ANKRD35: variants seen among roughly 807,000 people sequenced by gnomAD.
ANKRD35 encodes the protein ankyrin repeat domain-containing protein 35.
ANKRD35 carries 102 observed loss-of-function variants against 109.9 expected under a neutral mutation model. The ratio of observed to expected loss-of-function variants is 0.93; its 90% CI spans 0.79 to 1.09. The LOEUF is 1.09. ANKRD35 is among the 50% of genes least tolerant of loss of function. The probability of loss-of-function intolerance (pLI) is 0.00; values close to 1 mark genes in which losing one functional copy is unlikely to be tolerated. For missense variants in ANKRD35, 1,240 were observed against 1,230.1 expected (o/e 1.01, Z -0.12); for synonymous variants, 515 against 512.4 (o/e 1.01, Z -0.07).
At position 145,878,493 on chromosome 1, in the gene ANKRD35, G is replaced by C. The variant is rs782445560; in HGVS notation, c.171-14C>G. The stretch of plus-strand genomic sequence containing the variant: ...GCCAGATGAAACCTGCCAGAATCAA[G>C]GCCGAGAGGCCAAAGGATAAAGGGA... On this transcript the variant is annotated splice_polypyrimidine_tract_variant and intron_variant, in intron 2 of 13. Coordinates refer to ENST00000355594, the MANE Select transcript of ANKRD35 (RefSeq NM_144698.5). 1.2e-4 allele frequency: 194 copies of C among 1,558,320 alleles called. No homozygotes were observed. The highest frequency in any genetic ancestry group is 1.6e-4 in the Non-Finnish European group (187 of 1,149,912).
At position 145,867,373 on chromosome 1, in the gene ANKRD35, A is replaced by G. The variant is rs1653644287; in HGVS notation, c.2963T>C (p.Val988Ala). The G allele has an allele frequency of 6.2e-7, 1 of 1,613,936 alleles. No homozygotes were observed. The highest frequency in any genetic ancestry group is 8.5e-7 in the Non-Finnish European group (1 of 1,179,944). ...NAARGYMEHE[V>A]YNILLQILSM... ...AAGGATTTGCAGCAGGATATTGTAC[A>G]CTTCATGTTCCATGTAACCCTGTAG... Residue 988 changes from valine to alanine, a missense_variant, in exon 13 of 14, where the codon GTG (valine) becomes GCG (alanine). Transcript: ENST00000355594.
chr1:145,867,946 C>T, intron 12 of ANKRD35, 45 bp downstream of exon 12: 1 of 1,588,154 alleles, frequency 6.3e-7, no homozygotes, highest in Admixed American at 1.7e-5. Context: ...ATACCCTATA[C>T]TCAGCTTTAT....
intron 1 of ANKRD35, among the ~76,000 whole-genome samples, chr1:145,880,428 C>CTAAA (rs1654245693): frequency 6.6e-6 from 1 of 152,140 alleles, no homozygotes; most frequent in Admixed American, 6.5e-5. Context: ...GCTATGTGAC[C>CTAAA]TAAAGTAAGC....
At position 145,885,816 on chromosome 1, in the gene ANKRD35, C is replaced by A; in HGVS notation, c.-58G>T. The A allele has an allele frequency of 1.5e-6, 2 of 1,352,080 alleles. No homozygotes were observed. Among genetic ancestry groups the A allele is most frequent in the Non-Finnish European group, 1.1e-6 (1 of 944,080 alleles). 83.8% of individuals were successfully genotyped at this position (1,352,080 alleles called of 1,614,324 possible). A position where few individuals can be genotyped will look rare whatever the true frequency, so the allele number is the denominator to read the frequency against. ...CGCAGAGAGCCGGGCCACAGGTTCC[C>A]GAACCCACCGGACTTGGCTGCGGCT... is the stretch of plus-strand genomic sequence containing the variant. On this transcript the variant is annotated 5_prime_UTR_variant, in exon 1 of 14. Coordinates refer to ENST00000355594, the MANE Select transcript of ANKRD35 (RefSeq NM_144698.5).
chr1:145,868,239 T>A, intron 11 of ANKRD35, 72 bp downstream of exon 11: 1 of 1,533,084 alleles, frequency 6.5e-7, no homozygotes, highest in South Asian at 1.1e-5. Flanking sequence ...ATTCCTAGAA[T>A]GTCTCCCACA....
chr1:145,872,374 T>C lies in ANKRD35; in HGVS notation c.2395A>G (p.Thr799Ala). The change falls in exon 10 of 14, where the codon ACG (threonine) becomes GCG (alanine). Residue 799 changes from threonine to alanine, a missense_variant. Transcript: ENST00000355594. ...ATCTCCTGGCTCTTCCCGCTCATCG[T>C]GGCCTGAACTGCCCGCAGCTCTTCC... is the stretch of plus-strand genomic sequence containing the variant. ...LEEELRAVQATMSGKSQEIGK... is the reference protein window; with the variant it reads ...LEEELRAVQAAMSGKSQEIGK... 1 of 1,612,756 alleles carries C rather than the reference T, an allele frequency of 6.2e-7. No individual in the cohort carries two copies. Among genetic ancestry groups the C allele is most frequent in the Non-Finnish European group, 8.5e-7 (1 of 1,179,358 alleles).
chr1:145,874,923 A>G lies in ANKRD35; in HGVS notation c.644T>C (p.Val215Ala), dbSNP rs1553739775. The change falls in exon 8 of 14, where the codon GTG becomes GCG. Residue 215 changes from valine (V) to alanine (A), a missense_variant. Coordinates refer to ENST00000355594, the MANE Select transcript of ANKRD35 (RefSeq NM_144698.5). Reference sequence around the variant, plus strand: ...CAGAGCATCATGCCCTGTGCTGTCCACAGCCCCCGCGTCAGCTCCGTGGCT... The same window carrying G: ...CAGAGCATCATGCCCTGTGCTGTCCGCAGCCCCCGCGTCAGCTCCGTGGCT... Reference protein sequence around the residue: ...LLSHGADAGAVDSTGHDALHY... With the variant: ...LLSHGADAGAADSTGHDALHY... 9 of 1,613,674 alleles carry G rather than the reference A, an allele frequency of 5.6e-6. No homozygotes were observed. The highest frequency in any genetic ancestry group is 6.8e-6 in the Non-Finnish European group (8 of 1,179,798).
chr1:145,866,951 T>A (rs1653628310), intron 13 of ANKRD35, among the ~76,000 whole-genome samples, 186 bp from the exon 14 acceptor site: 1 of 152,108 alleles, frequency 6.6e-6, no homozygotes, highest in African/African-American at 2.4e-5. Context: ...GTGAAGAGAT[T>A]CTGGATTTTG....
intron 10 of ANKRD35, among the ~76,000 whole-genome samples, chr1:145,869,695 G>A (rs1403029462): frequency 6.6e-5 from 10 of 151,910 alleles, no homozygotes; most frequent in African/African-American, 1.4e-4. Flanking sequence ...TCTCAAACTC[G>A]TGGGCTCAGG....
Position 145,882,112 on chromosome 1 carries a change from A to T in ANKRD35, c.40-2724T>A, listed in dbSNP as rs1196340876. On this transcript the variant is annotated intron_variant, in intron 1 of 13. Transcript: ENST00000355594. The stretch of plus-strand genomic sequence containing the variant: ...TGGGACTACAGGCGCCCGCCACCAC[A>T]CCCGGATAATTTTTTGTATTTTTAG... Among the ~76,000 whole-genome samples, 3 of 148,010 alleles carry T rather than the reference A, an allele frequency of 2.0e-5. No homozygotes were observed. The East Asian group carries it at 5.9e-4, about 29-fold the overall frequency.
chr1:145,883,606 C>A (rs1203056820), intron 1 of ANKRD35, among the ~76,000 whole-genome samples: 2 of 152,190 alleles, frequency 1.3e-5, no homozygotes, highest in African/African-American at 4.8e-5. Flanking sequence ...CTCAGACTGA[C>A]AGTGCAGGGC....
rs587745803 is a variant in ANKRD35 at position 145,878,884 on chromosome 1, C to T, written c.170+374G>A. Among the ~76,000 whole-genome samples, 5 of 152,254 alleles carry T rather than the reference C, an allele frequency of 3.3e-5. No individual in the cohort carries two copies. In the East Asian group the frequency reaches 9.6e-4, roughly 29 times the overall value. On this transcript the variant is annotated intron_variant, in intron 2 of 13. Coordinates refer to ENST00000355594, the MANE Select transcript of ANKRD35 (RefSeq NM_144698.5). ...ATTTCCTTTGACTTAATCACTACTC[C>T]CTCTAGCCATGTGACTCCCATGCTA... is the stretch of plus-strand genomic sequence containing the variant.
At chr1:145,871,770 T>C (rs587710008) in intron 10 of ANKRD35, among the ~76,000 whole-genome samples, 49 of 152,240 alleles carry the variant, frequency 3.2e-4, no homozygotes, top group African/African-American at 1.1e-3. Context: ...CCCCCTTCTC[T>C]CTTCCACTTA....
At chr1:145,875,712 C>T (rs1224222374) in intron 7 of ANKRD35, among the ~76,000 whole-genome samples, 1 of 152,092 alleles carries the variant, frequency 6.6e-6, no homozygotes, top group African/African-American at 2.4e-5. Context: ...CCATGCCTGA[C>T]CAATTTTTTG....
intron 10 of ANKRD35, among the ~76,000 whole-genome samples, chr1:145,870,566 A>C (rs1442378714): frequency 6.6e-6 from 1 of 152,124 alleles, no homozygotes; most frequent in Non-Finnish European, 1.5e-5. Flanking sequence ...GTTTGCTTTC[A>C]CCCGATTGTC....
At chr1:145,879,224 C>T (rs781897725) in intron 2 of ANKRD35, 34 bp downstream of exon 2, 101 of 1,538,358 alleles carry the variant, frequency 6.6e-5, no homozygotes, top group Admixed American at 1.4e-4. Context: ...AAGGGAGCCA[C>T]ATGTAAGGGG....
At position 145,872,200 on chromosome 1, in the gene ANKRD35, A is replaced by G. The variant is rs10910824; in HGVS notation, c.2569T>C (p.Leu857=). The G allele has an allele frequency of 0.44, 705,805 of 1,607,424 alleles. 160,509 individuals carry two copies. Among genetic ancestry groups the G allele is most frequent in the East Asian group, 0.75 (33,407 of 44,710 alleles). ...QAWGQELKAL[L]EKYNTACREV... is the part of the protein sequence containing the mutation. ...CGGCAGGCCGTATTATACTTTTCCAACAGAGCCTTTAGCTCCTGGCCCCAA... is the reference window on the plus strand; with the variant it reads ...CGGCAGGCCGTATTATACTTTTCCAGCAGAGCCTTTAGCTCCTGGCCCCAA... The change falls in exon 10 of 14, where the codon TTG becomes CTG. Residue 857 remains leucine, a synonymous_variant. Coordinates refer to ENST00000355594, the MANE Select transcript of ANKRD35 (RefSeq NM_144698.5).
chr1:145,872,507 G>T lies in ANKRD35; in HGVS notation c.2262C>A (p.Asn754Lys), dbSNP rs1553738963. The change falls in exon 10 of 14, where the codon AAC (asparagine) becomes AAA (lysine). Residue 754 changes from asparagine (N) to lysine (K), a missense_variant. Physicochemically the swap from Asn to Lys is moderately conservative, Grantham distance 94. Transcript: ENST00000355594. ...QQVLARLQEE[N>K]QQLRGSLSPC... ...GGGACAAGGACCCCCGCAACTGCTGGTTTTCTTCTTGCAGCCGAGCCAGCA... is the reference window on the plus strand; with the variant it reads ...GGGACAAGGACCCCCGCAACTGCTGTTTTTCTTCTTGCAGCCGAGCCAGCA... The T allele has an allele frequency of 6.2e-7, 1 of 1,601,780 alleles. No homozygotes were observed. Among genetic ancestry groups the T allele is most frequent in the Non-Finnish European group, 8.5e-7 (1 of 1,174,602 alleles).
chr1:145,874,694 A>G (rs1386676658), intron 8 of ANKRD35, 128 bp downstream of exon 8: 1 of 1,191,198 alleles, frequency 8.4e-7, no homozygotes, highest in African/African-American at 1.6e-5. Flanking sequence ...AGTAGCAGCA[A>G]TAAATACGTA....
Sources: gnomAD v4.1 joint callset for allele counts (sites outside exome capture counted in the v4.1 genomes callset) on GRCh38, gnomAD v4.1.1 for gene constraint, MANE v1.5 for transcripts, NCBI Gene and HGNC (gene_info 2026-07-23, HGNC 2026-07-21) for gene names.